ZCRB1: variants seen among roughly 807,000 people sequenced by gnomAD.
The protein encoded by ZCRB1 is zinc finger CCHC-type and RNA binding motif containing 1.
Under a neutral mutation model 29.9 loss-of-function variants are expected in ZCRB1, and 21 were observed. The observed-to-expected ratio is 0.70, with a 90% CI of 0.50 to 1.01. The LOEUF (loss-of-function observed/expected upper bound fraction) is 1.01. Among genes scored for constraint, ZCRB1 ranks in the 50% least tolerant of loss-of-function variants. ZCRB1 has a pLI of 0.00. For missense variants in ZCRB1, 204 were observed against 253.3 expected (o/e 0.81, Z 1.32); for synonymous variants, 77 against 80.0 (o/e 0.96, Z 0.20).
intron 5 of ZCRB1, among the ~76,000 whole-genome samples, chr12:42,315,625 T>C (rs913453315): frequency 1.3e-5 from 2 of 152,142 alleles, no homozygotes; most frequent in South Asian, 2.1e-4. Context: ...AAATTAAATA[T>C]AAAAATGTAA....
intron 5 of ZCRB1, 81 bp from the exon 6 acceptor site, chr12:42,314,067 A>G: frequency 6.9e-7 from 1 of 1,451,264 alleles, no homozygotes; most frequent in South Asian, 1.4e-5. Context: ...CCTTATTACT[A>G]AAAAGTTTTC....
At chr12:42,324,392 C>T (rs1247275926) in intron 1 of ZCRB1, among the ~76,000 whole-genome samples, 2 of 152,208 alleles carry the variant, frequency 1.3e-5, no homozygotes, top group Non-Finnish European at 2.9e-5. Flanking sequence ...AAATGATCCA[C>T]CTGCCTCAGC....
chr12:42,317,556 G>T, intron 4 of ZCRB1, 109 bp from the exon 5 acceptor site: 2 of 985,118 alleles, frequency 2.0e-6, no homozygotes, highest in Non-Finnish European at 2.9e-6. Flanking sequence ...GGATTTTTTA[G>T]CAATTGTCAC....
At position 42,313,018 on chromosome 12, in the gene ZCRB1, G is replaced by T. The variant is rs755548888; in HGVS notation, c.*49C>A. 2.7e-6 allele frequency: 4 copies of T among 1,484,140 alleles called. No homozygotes were observed. The highest frequency in any genetic ancestry group is 3.6e-6 in the Non-Finnish European group (4 of 1,114,622). The allele number at this position is 1,484,140 out of a possible 1,614,324, so 91.9% of individuals were successfully genotyped here. A position where few individuals can be genotyped will look rare whatever the true frequency, so the allele number is the denominator to read the frequency against. On this transcript the variant is annotated 3_prime_UTR_variant, in exon 8 of 8. Coordinates refer to ENST00000266529, the MANE Select transcript of ZCRB1 (RefSeq NM_033114.4). ...ATTTTTATTAAAATTAGCTCTTCAA[G>T]ATTGTTACTAACAAATCTTGATTTT...
intron 1 of ZCRB1, 55 bp from the exon 2 acceptor site, chr12:42,324,159 G>T (rs3747557): frequency 0.57 from 851,690 of 1,481,202 alleles, 237,888 homozygotes; most frequent in Admixed American, 0.68. Context: ...TTCTTTTTTT[G>T]TTGTTTGAGA....
At chr12:42,323,690 GGT>G in intron 2 of ZCRB1, 1 of 241,640 alleles carries the variant, frequency 4.1e-6, no homozygotes. Context: ...GGAGTGCAGT[GGT>G]GTGACCTTGG....
intron 2 of ZCRB1, 82 bp downstream of exon 2, chr12:42,323,937 G>T: frequency 7.9e-7 from 1 of 1,269,550 alleles, no homozygotes. Context: ...AAAAAAAAAG[G>T]AAAAAAGAAT....
intron 2 of ZCRB1, among the ~76,000 whole-genome samples, chr12:42,322,911 T>C (rs968834280): frequency 1.1e-4 from 16 of 152,220 alleles, no homozygotes; most frequent in African/African-American, 3.9e-4. Context: ...GACTGCTTTA[T>C]TTAAAAAACA....
At chr12:42,319,839 G>A (rs2068612572) in intron 3 of ZCRB1, among the ~76,000 whole-genome samples, 1 of 152,136 alleles carries the variant, frequency 6.6e-6, no homozygotes, top group Non-Finnish European at 1.5e-5. Flanking sequence ...AAAAAAATGG[G>A]AAAAGTAGTT....
chr12:42,323,804 T>C lies in ZCRB1; in HGVS notation c.84+215A>G, dbSNP rs1383638745. On this transcript the variant is annotated intron_variant, in intron 2 of 7. Coordinates refer to ENST00000266529, the MANE Select transcript of ZCRB1 (RefSeq NM_033114.4). ...GGCACACACCTGTATTCCCAGCTACTTGGGAGGATGAGGTGGGAGGATCAC... is the reference window on the plus strand; with the variant it reads ...GGCACACACCTGTATTCCCAGCTACCTGGGAGGATGAGGTGGGAGGATCAC... 2 of 545,794 alleles carry C rather than the reference T, an allele frequency of 3.7e-6. No individual in the cohort carries two copies. Among genetic ancestry groups the C allele is most frequent in the Non-Finnish European group, 3.3e-6 (1 of 304,994 alleles). The allele number at this position is 545,794 out of a possible 1,614,324, so 33.8% of individuals were successfully genotyped here. A position where few individuals can be genotyped will look rare whatever the true frequency, so the allele number is the denominator to read the frequency against.
intron 5 of ZCRB1, among the ~76,000 whole-genome samples, chr12:42,314,944 C>T (rs182321933): frequency 1.3e-5 from 2 of 152,210 alleles, no homozygotes; most frequent in Admixed American, 1.3e-4. Flanking sequence ...AGAGCAAGAC[C>T]CTGTCTCAAA....
intron 3 of ZCRB1, among the ~76,000 whole-genome samples, chr12:42,319,611 C>T (rs1023792514): frequency 6.6e-6 from 1 of 152,180 alleles, no homozygotes; most frequent in African/African-American, 2.4e-5. Flanking sequence ...CTCATTCTTT[C>T]GGGGTTCAGG....
intron 2 of ZCRB1, among the ~76,000 whole-genome samples, chr12:42,323,517 C>CA (rs1317833888): frequency 6.6e-6 from 1 of 152,166 alleles, no homozygotes; most frequent in Non-Finnish European, 1.5e-5. Context: ...ACTTAACGTT[C>CA]AATAGCCCAC....
intron 2 of ZCRB1, 133 bp downstream of exon 2, chr12:42,323,886 G>A (rs761372398): frequency 5.2e-6 from 4 of 764,444 alleles, no homozygotes; most frequent in Admixed American, 2.5e-5. Context: ...CTACAGCCTC[G>A]TGCCTCAGTG....
Position 42,317,372 on chromosome 12 carries a change from A to C in ZCRB1, c.301T>G (p.Tyr101Asp). The stretch of plus-strand genomic sequence containing the variant: ...TCATAACACTTAGATTTATCAAAGT[A>C]GTTTCGCCTTCGGATGAACTCAGCT... ...RAAEFIRRRNYFDKSKCYECG... is the reference protein window; with the variant it reads ...RAAEFIRRRNDFDKSKCYECG... Residue 101 changes from tyrosine to aspartate, a missense_variant, in exon 5 of 8, where the codon TAC becomes GAC. Tyr to Asp is a radical substitution (Grantham distance 160). Coordinates refer to ENST00000266529, the MANE Select transcript of ZCRB1 (RefSeq NM_033114.4). 1 of 1,612,848 alleles carries C rather than the reference A, an allele frequency of 6.2e-7. No individual in the cohort carries two copies. Among genetic ancestry groups the C allele is most frequent in the Non-Finnish European group, 8.5e-7 (1 of 1,179,654 alleles).
intron 3 of ZCRB1, among the ~76,000 whole-genome samples, chr12:42,322,059 A>G (rs1221897523): frequency 6.6e-6 from 1 of 152,226 alleles, no homozygotes; most frequent in Non-Finnish European, 1.5e-5. Context: ...AAAACAAAAA[A>G]CCACCTATTT....
intron 7 of ZCRB1, 124 bp from the exon 8 acceptor site, chr12:42,313,322 A>C (rs551146176): frequency 9.5e-7 from 1 of 1,053,276 alleles, no homozygotes. Flanking sequence ...GTCCATGCAG[A>C]CAATAAGATC....
At chr12:42,323,537 G>A (rs904798180) in intron 2 of ZCRB1, among the ~76,000 whole-genome samples, 3 of 151,752 alleles carry the variant, frequency 2.0e-5, no homozygotes, top group South Asian at 2.1e-4. Flanking sequence ...CCTTTCCTGC[G>A]TTATTTTTTC....
intron 2 of ZCRB1, among the ~76,000 whole-genome samples, chr12:42,323,221 G>C (rs1041958058): frequency 6.6e-6 from 1 of 152,202 alleles, no homozygotes. Flanking sequence ...CTGGATAGCA[G>C]TGTTAGCAAC....
Sources: gnomAD v4.1 joint callset for allele counts (sites outside exome capture counted in the v4.1 genomes callset) on GRCh38, gnomAD v4.1.1 for gene constraint, MANE v1.5 for transcripts, NCBI Gene and HGNC (gene_info 2026-07-23, HGNC 2026-07-21) for gene names.